Variants in FAM184A observed in about 807,000 individuals in gnomAD.
FAM184A encodes protein FAM184A.
Under a neutral mutation model 143.8 loss-of-function variants are expected in FAM184A, and 99 were observed. The observed-to-expected ratio is 0.69, with a 90% CI of 0.58 to 0.81. FAM184A has a LOEUF of 0.81. Ranked by LOEUF, FAM184A falls within the 40% of genes least tolerant of loss-of-function variation. The pLI is 0.00. For missense variants in FAM184A, 1,217 were observed against 1,310.5 expected (o/e 0.93, Z 1.10); for synonymous variants, 427 against 446.4 (o/e 0.96, Z 0.55).
rs753419134 is a variant in FAM184A at position 119,024,074 on chromosome 6, T to C, written c.899A>G (p.Lys300Arg). The C allele has an allele frequency of 3.9e-5, 63 of 1,614,052 alleles. No homozygotes were observed. The highest frequency in any genetic ancestry group is 5.1e-5 in the Non-Finnish European group (60 of 1,180,034). Residue 300 changes from lysine (K) to arginine (R), a missense_variant, in exon 2 of 18, where the codon AAA becomes AGA. Lys to Arg is a conservative substitution (Grantham distance 26). Coordinates refer to ENST00000338891, the MANE Select transcript of FAM184A (RefSeq NM_024581.6). ...CTCTGTCTTTAATTTTCCTATAGTT[T>C]TTCGTAAAATTGCTTCTTGTCCCTG... ...EFQGQEAILR[K>R]TIGKLKTELQ...
At position 119,024,199 on chromosome 6, in the gene FAM184A, A is replaced by G. The variant is rs1389174726; in HGVS notation, c.774T>C (p.Phe258=). The G allele has an allele frequency of 6.2e-7, 1 of 1,614,110 alleles. No individual in the cohort carries two copies. The highest frequency in any genetic ancestry group is 8.5e-7 in the Non-Finnish European group (1 of 1,180,058). The change falls in exon 2 of 18, where the codon TTT becomes TTC. Residue 258 remains phenylalanine (F), a synonymous_variant. Coordinates refer to ENST00000338891, the MANE Select transcript of FAM184A (RefSeq NM_024581.6). ...TCAAAGTATCAAGCTCACGTTCATA[A>G]AAGGACTGAGCTTTATTCAACTTGC... ...YEGKLNKAQS[F]YERELDTLKR...
chr6:119,045,600 G>A (rs1786498469), intron 1 of FAM184A, among the ~76,000 whole-genome samples: 1 of 152,212 alleles, frequency 6.6e-6, no homozygotes, highest in African/African-American at 2.4e-5. Flanking sequence ...GAACAGTGGA[G>A]AGGGGATGTA....
chr6:119,060,750 G>T (rs139919549), intron 1 of FAM184A, among the ~76,000 whole-genome samples: 109 of 152,168 alleles, frequency 7.2e-4, no homozygotes, highest in African/African-American at 2.5e-3. Flanking sequence ...GTTCTCAGGA[G>T]CTCCGGTTGT....
rs759460715 is a variant in FAM184A, at chr6:118,961,908, A to C, written c.3194T>G (p.Leu1065Arg). Reference sequence around the variant, plus strand: ...CACTCCACCAGATTCCAGAGCACTTAGATTGGGAACACTCACAAACCTGTT... The same window carrying C: ...CACTCCACCAGATTCCAGAGCACTTCGATTGGGAACACTCACAAACCTGTT... ...PTNRFVSVPN[L>R]SALESGGVGN... The change falls in exon 17 of 18, where the codon CTA becomes CGA. Residue 1065 changes from leucine to arginine, a missense_variant. By Grantham distance (102) the Leu-to-Arg change is moderately radical (BLOSUM62 -2). Coordinates refer to ENST00000338891, the MANE Select transcript of FAM184A (RefSeq NM_024581.6). The C allele has an allele frequency of 6.2e-7, 1 of 1,613,948 alleles. No homozygotes were observed. The highest frequency in any genetic ancestry group is 8.5e-7 in the Non-Finnish European group (1 of 1,179,870).
At chr6:119,086,395 C>T (rs1168614551) in intron 1 of FAM184A, among the ~76,000 whole-genome samples, 5 of 152,122 alleles carry the variant, frequency 3.3e-5, no homozygotes, top group Non-Finnish European at 5.9e-5. Flanking sequence ...AAAGGAACTC[C>T]AAAAGAGTCG....
intron 1 of FAM184A, among the ~76,000 whole-genome samples, chr6:119,087,702 A>C (rs575332150): frequency 6.6e-6 from 1 of 152,252 alleles, no homozygotes; most frequent in Non-Finnish European, 1.5e-5. Context: ...GGTTCCTCAG[A>C]AAATTGACAG....
intron 15 of FAM184A, among the ~76,000 whole-genome samples, chr6:118,966,511 C>G (rs1783505634): frequency 6.6e-6 from 1 of 152,076 alleles, no homozygotes; most frequent in African/African-American, 2.4e-5. Context: ...AATCCTAATA[C>G]TACATGTGCA....
intron 1 of FAM184A, among the ~76,000 whole-genome samples, chr6:119,028,825 CT>C (rs1263846861): frequency 6.6e-6 from 1 of 152,136 alleles, no homozygotes; most frequent in Non-Finnish European, 1.5e-5. Flanking sequence ...TGAGGGCAGT[CT>C]TGTGGGATTG....
rs1018789293 is a variant in FAM184A at position 119,078,367 on chromosome 6, C to T, written c.-68G>A. On this transcript the variant is annotated 5_prime_UTR_variant, in exon 1 of 18. Coordinates refer to ENST00000338891, the MANE Select transcript of FAM184A (RefSeq NM_024581.6). The surrounding 1 kb of genome is among the most constrained non-coding windows in gnomAD (Gnocchi z 5.5). ...GAGGCAGGCCCGTGGAGCAACGACG[C>T]CCGGGAGGCAAGAGTCGCGGCGGCC... The T allele has an allele frequency of 7.4e-7, 1 of 1,351,248 alleles. No individual in the cohort carries two copies. Among genetic ancestry groups the T allele is most frequent in the Non-Finnish European group, 9.5e-7 (1 of 1,052,116 alleles). 83.7% of individuals were successfully genotyped at this position (1,351,248 alleles called of 1,614,324 possible). A position where few individuals can be genotyped will look rare whatever the true frequency, so the allele number is the denominator to read the frequency against.
At chr6:119,098,679 TG>T (rs1391400683) in intron 1 of FAM184A, among the ~76,000 whole-genome samples, 1 of 152,198 alleles carries the variant, frequency 6.6e-6, no homozygotes, top group African/African-American at 2.4e-5. Flanking sequence ...GTCTGGCCCA[TG>T]GGCATGACTT....
chr6:119,064,361 T>C (rs1427100397), intron 1 of FAM184A, among the ~76,000 whole-genome samples: 1 of 152,212 alleles, frequency 6.6e-6, no homozygotes, highest in Non-Finnish European at 1.5e-5. Context: ...TGCTCAACCA[T>C]GGTCCTCTCC....
Position 119,138,608 on chromosome 6 carries a change from ATTATTATTATTATTATT to A in FAM184A, c.-202+10453_-202+10469del. Among the ~76,000 whole-genome samples the A allele has an allele frequency of 9.7e-4, 3 of 3,078 alleles. No individual in the cohort carries two copies. In the East Asian group the frequency reaches 0.033, roughly 34 times the overall value. The allele number at this position is 3,078 out of a possible 152,430, so 2.0% of individuals were successfully genotyped here. On this transcript the variant is annotated intron_variant, in intron 1 of 16. Transcript: ENST00000352896. ...CGCTCTTTCACTTATTATTATTATT[ATTATTATTATTATTATT>A]ATTATTATTATTATTTTTGAGACGG...
chr6:119,058,175 CTTTT>C (rs5879483), intron 1 of FAM184A, among the ~76,000 whole-genome samples: 100 of 89,732 alleles, frequency 1.1e-3, no homozygotes, highest in African/African-American at 4.5e-3. Context: ...CTCCTTCTCT[CTTTT>C]TTTTTTTTTT....
intron 1 of FAM184A, among the ~76,000 whole-genome samples, chr6:119,088,439 G>A (rs530604016): frequency 3.3e-5 from 5 of 152,204 alleles, no homozygotes; most frequent in South Asian, 2.1e-4. Flanking sequence ...TAAAGAGGAC[G>A]TCTAAATATA....
At chr6:118,993,176 T>C (rs1389297278) in intron 9 of FAM184A, among the ~76,000 whole-genome samples, 1 of 152,226 alleles carries the variant, frequency 6.6e-6, no homozygotes, top group Non-Finnish European at 1.5e-5. Flanking sequence ...TTGTTAATTT[T>C]TGAGATTCAT....
intron 2 of FAM184A, among the ~76,000 whole-genome samples, chr6:119,023,586 G>C (rs181985955): frequency 2.7e-5 from 3 of 109,372 alleles, no homozygotes; most frequent in African/African-American, 7.1e-5. Context: ...GTATTACCTC[G>C]CTAAGCTCAC....
intron 1 of FAM184A, among the ~76,000 whole-genome samples, chr6:119,134,416 C>T (rs1021491145): frequency 1.3e-5 from 2 of 151,878 alleles, no homozygotes; most frequent in African/African-American, 4.8e-5. Context: ...GCGGGGGGTG[C>T]CAAGATGAGA....
chr6:118,996,719 G>A (rs924513539), intron 9 of FAM184A, among the ~76,000 whole-genome samples: 5 of 151,874 alleles, frequency 3.3e-5, no homozygotes, highest in Non-Finnish European at 7.4e-5. Context: ...ATCTTAGGAA[G>A]AGATTTTATT....
chr6:119,035,668 A>G (rs1775617), intron 1 of FAM184A, among the ~76,000 whole-genome samples: 27,001 of 152,026 alleles, frequency 0.18, 2,748 homozygotes, highest in African/African-American at 0.26. Flanking sequence ...CTTCATCTGC[A>G]TGATAAAACC....
Sources: allele counts gnomAD v4.1 joint callset (sites outside exome capture counted in the v4.1 genomes callset), GRCh38; gene constraint gnomAD v4.1.1; non-coding constraint Gnocchi (gnomAD v3.1); transcripts MANE v1.5; gene names NCBI Gene and HGNC (gene_info 2026-07-23, HGNC 2026-07-21).